The following MACROD2 variants were observed in gnomAD, a reference collection of about 807,000 sequenced individuals.
The protein encoded by MACROD2 is mono-ADP ribosylhydrolase 2, also known as ADP-ribose glycohydrolase MACROD2.
A neutral mutation model predicts 70.4 loss-of-function variants in MACROD2; 36 were observed. The observed-to-expected ratio is 0.51, with a 90% CI of 0.39 to 0.68. The LOEUF is 0.68. MACROD2 is among the 30% of genes least tolerant of loss of function. The pLI is 0.00. For missense variants in MACROD2, 496 were observed against 538.4 expected (o/e 0.92, Z 0.78); for synonymous variants, 172 against 178.8 (o/e 0.96, Z 0.30).
In MACROD2 at chr20:15,044,341, C is replaced by G. The variant is rs146485667; in HGVS notation, c.419-185599C>G. The stretch of plus-strand genomic sequence containing the variant: ...GGAGCTCTGTGCCAGGAACTGGGGA[C>G]TGAATATATATTTGTTATATCACAC... On this transcript the variant is annotated intron_variant, in intron 5 of 17. Coordinates refer to ENST00000684519, the MANE Select transcript of MACROD2 (RefSeq NM_001351661.2). 8.1e-3 allele frequency among the ~76,000 whole-genome samples: 1,237 copies of G among 152,288 alleles called. 13 individuals are homozygous for G. The highest frequency in any genetic ancestry group is 0.013 in the Non-Finnish European group (912 of 68,026).
At position 14,187,534 on chromosome 20, in the gene MACROD2, T is replaced by C. The variant is rs1601327079; in HGVS notation, c.271+101806T>C. Among the ~76,000 whole-genome samples, 2 of 152,186 alleles carry C rather than the reference T, an allele frequency of 1.3e-5. 1 individual carries two copies. Among genetic ancestry groups the C allele is most frequent in the East Asian group, 3.8e-4 (2 of 5,200 alleles). ...TGACAGATACTATATCAGACTATCA[T>C]GAAGTAATTTCAGAAAAATCAACAA... On this transcript the variant is annotated intron_variant, in intron 3 of 17. Coordinates refer to ENST00000684519, the MANE Select transcript of MACROD2 (RefSeq NM_001351661.2).
intron 5 of MACROD2, among the ~76,000 whole-genome samples, chr20:14,852,942 C>A (rs1414769286): frequency 1.3e-5 from 2 of 152,066 alleles, no homozygotes; most frequent in East Asian, 3.9e-4. Context: ...CCTCAAGAAA[C>A]ATAATCTCTT....
chr20:15,397,112 C>A (rs530927378), intron 6 of MACROD2, among the ~76,000 whole-genome samples: 1 of 152,044 alleles, frequency 6.6e-6, no homozygotes, highest in Non-Finnish European at 1.5e-5. Context: ...AGGCTTTACC[C>A]GAGCAGTCCT....
chr20:15,394,658 C>G (rs936392679), intron 6 of MACROD2, among the ~76,000 whole-genome samples: 1 of 152,168 alleles, frequency 6.6e-6, no homozygotes, highest in African/African-American at 2.4e-5. Context: ...ACATATAGCT[C>G]AGGTCTTAAT....
intron 2 of MACROD2, among the ~76,000 whole-genome samples, chr20:14,067,000 A>G (rs2053768659): frequency 6.7e-6 from 1 of 149,994 alleles, no homozygotes; most frequent in Non-Finnish European, 1.5e-5. Context: ...TGTAGTAGAG[A>G]TGGGGTTTCA....
chr20:15,967,775 C>T, intron 13 of MACROD2, 145 bp downstream of exon 13: 2 of 576,514 alleles, frequency 3.5e-6, no homozygotes, highest in Non-Finnish European at 2.8e-6. Flanking sequence ...ACCAGTTGAT[C>T]AGTAGCTGCC....
At chr20:14,505,812 G>A (rs985689190) in intron 4 of MACROD2, among the ~76,000 whole-genome samples, 2 of 152,220 alleles carry the variant, frequency 1.3e-5, no homozygotes, top group Non-Finnish European at 2.9e-5. Flanking sequence ...TTATGGCAGA[G>A]TGAGGAGATT....
At chr20:14,221,461 C>T (rs966913780) in intron 3 of MACROD2, among the ~76,000 whole-genome samples, 3 of 152,100 alleles carry the variant, frequency 2.0e-5, no homozygotes, top group African/African-American at 7.2e-5. Flanking sequence ...ATCCCTATCT[C>T]TCATTATATA....
At chr20:15,089,771 A>AT (rs1325645052) in intron 5 of MACROD2, among the ~76,000 whole-genome samples, 1 of 151,646 alleles carries the variant, frequency 6.6e-6, no homozygotes, top group Non-Finnish European at 1.5e-5. Context: ...GTGATTTCTT[A>AT]TTTTTTTCAA....
chr20:15,445,458 AAGAG>A (rs140471761), intron 7 of MACROD2, among the ~76,000 whole-genome samples: 18 of 150,742 alleles, frequency 1.2e-4, no homozygotes, highest in Non-Finnish European at 2.5e-4. Context: ...AGCTTTCCAT[AAGAG>A]AGAGAGAGAG....
At chr20:14,391,284 T>A (rs2122803167) in intron 3 of MACROD2, among the ~76,000 whole-genome samples, 1 of 152,318 alleles carries the variant, frequency 6.6e-6, no homozygotes, top group Admixed American at 6.5e-5. Context: ...TAGAATACTA[T>A]GCAGCCATAA....
chr20:15,861,712 G>C lies in MACROD2; in HGVS notation c.646-1033G>C, dbSNP rs528541086. On this transcript the variant is annotated intron_variant, in intron 8 of 17. Coordinates refer to ENST00000684519, the MANE Select transcript of MACROD2 (RefSeq NM_001351661.2). Reference sequence around the variant, plus strand: ...CCAGCCCCTACTTCTTGCCCCTGTAGATCTCCTTTTCTACTGGGAACTGTC... The same window carrying C: ...CCAGCCCCTACTTCTTGCCCCTGTACATCTCCTTTTCTACTGGGAACTGTC... Among the ~76,000 whole-genome samples, 3 of 152,272 alleles carry C rather than the reference G, an allele frequency of 2.0e-5. No homozygotes were observed. In the East Asian group the frequency reaches 5.8e-4, roughly 29 times the overall value.
chr20:14,100,893 TA>T (rs2054295779), intron 3 of MACROD2, among the ~76,000 whole-genome samples: 1 of 144,586 alleles, frequency 6.9e-6, no homozygotes, highest in Non-Finnish European at 1.5e-5. Context: ...TTTTGATTAA[TA>T]TAATCAAAAT....
intron 3 of MACROD2, among the ~76,000 whole-genome samples, chr20:14,203,004 G>A (rs1311266153): frequency 6.6e-6 from 1 of 151,478 alleles, no homozygotes; most frequent in Non-Finnish European, 1.5e-5. Flanking sequence ...CTGAGATCGT[G>A]TCATTGCACT....
chr20:14,325,266 G>A, intron 3 of MACROD2: 1 of 240,006 alleles, frequency 4.2e-6, no homozygotes, highest in Non-Finnish European at 8.0e-6. Context: ...AGAACACAAA[G>A]TAAATGGTTT....
chr20:16,002,284 G>A (rs1009946150), intron 15 of MACROD2, among the ~76,000 whole-genome samples: 2 of 152,098 alleles, frequency 1.3e-5, no homozygotes, highest in African/African-American at 2.4e-5. Flanking sequence ...TTAATTGCCT[G>A]GAGTAGACAG....
intron 3 of MACROD2, among the ~76,000 whole-genome samples, chr20:14,177,568 G>A (rs903173315): frequency 3.3e-5 from 5 of 151,882 alleles, no homozygotes; most frequent in Admixed American, 6.6e-5. Flanking sequence ...TGCCCGCCTC[G>A]GCCTCCCAAA....
chr20:15,190,038 C>T (rs2076560194), intron 5 of MACROD2, among the ~76,000 whole-genome samples: 1 of 152,154 alleles, frequency 6.6e-6, no homozygotes, highest in African/African-American at 2.4e-5. Flanking sequence ...ATACTACTTC[C>T]TTCTTTCTCT....
intron 3 of MACROD2, among the ~76,000 whole-genome samples, chr20:14,247,331 G>A (rs774944638): frequency 3.3e-5 from 5 of 152,182 alleles, no homozygotes; most frequent in Admixed American, 6.5e-5. Flanking sequence ...TTATGCCAGC[G>A]CTAACAAAAC....
Sources: gnomAD v4.1 joint callset for allele counts (sites outside exome capture counted in the v4.1 genomes callset) on GRCh38, gnomAD v4.1.1 for gene constraint, MANE v1.5 for transcripts, NCBI Gene and HGNC (gene_info 2026-07-23, HGNC 2026-07-21) for gene names.